ANKRD36: variants seen among roughly 807,000 people sequenced by gnomAD.
The protein encoded by ANKRD36 is ankyrin repeat domain-containing protein 36A.
ANKRD36 carries 179 observed loss-of-function variants against 278.1 expected under a neutral mutation model. That is an observed-to-expected ratio of 0.64 (90% CI 0.57 to 0.73). ANKRD36 has a LOEUF of 0.73. Among genes scored for constraint, ANKRD36 ranks in the 30% least tolerant of loss-of-function variants. The pLI is 0.00. For synonymous variants in ANKRD36, 320 were observed against 641.1 expected (o/e 0.50, Z 7.57); for missense variants, 1,159 against 1,956.7 (o/e 0.59, Z 7.69).
At chr2:97,171,284 A>G (rs2052409408) in intron 22 of ANKRD36, among the ~76,000 whole-genome samples, 1 of 146,414 alleles carries the variant, frequency 6.8e-6, no homozygotes, top group African/African-American at 2.5e-5. Context: ...CACAATAGCA[A>G]AGACTTGGAA....
chr2:97,152,591 G>T (rs1220815222), intron 14 of ANKRD36, 57 bp downstream of exon 14: 13 of 1,379,938 alleles, frequency 9.4e-6, no homozygotes, highest in Middle Eastern at 3.4e-4. Context: ...AGAGAGAAGA[G>T]AAACTAGTAT....
At chr2:97,195,446 G>GA in intron 40 of ANKRD36, among the ~76,000 whole-genome samples, 1 of 151,968 alleles carries the variant, frequency 6.6e-6, no homozygotes, top group Non-Finnish European at 1.5e-5. Flanking sequence ...GGAAACCTGA[G>GA]TGAACTCACT....
chr2:97,214,457 A>G (rs2065426321), intron 60 of ANKRD36, among the ~76,000 whole-genome samples: 1 of 150,744 alleles, frequency 6.6e-6, no homozygotes, highest in Admixed American at 6.6e-5. Flanking sequence ...AGACTATTTT[A>G]GAAACAAAAA....
intron 17 of ANKRD36, among the ~76,000 whole-genome samples, chr2:97,159,421 T>A (rs1357047204): frequency 6.6e-6 from 1 of 152,050 alleles, no homozygotes; most frequent in Non-Finnish European, 1.5e-5. Flanking sequence ...AATATATGCA[T>A]CTATTTATTA....
intron 67 of ANKRD36, among the ~76,000 whole-genome samples, chr2:97,229,168 C>T (rs1245841691): frequency 2.0e-5 from 3 of 151,528 alleles, no homozygotes; most frequent in Middle Eastern, 6.3e-3. Flanking sequence ...TGGTGCAGAG[C>T]TGAGTTCAAT....
intron 30 of ANKRD36, among the ~76,000 whole-genome samples, chr2:97,186,895 T>C (rs2057520293): frequency 6.6e-6 from 1 of 151,960 alleles, no homozygotes; most frequent in African/African-American, 2.4e-5. Flanking sequence ...CCTCTGATTT[T>C]TGATCACATT....
chr2:97,150,825 C>T (rs2045734103), intron 12 of ANKRD36, among the ~76,000 whole-genome samples: 1 of 152,154 alleles, frequency 6.6e-6, no homozygotes, highest in East Asian at 1.9e-4. Flanking sequence ...CTTTCAAATT[C>T]TGAATAAAAA....
At chr2:97,158,716 A>C (rs936706771) in intron 17 of ANKRD36, 61 bp downstream of exon 17, 3 of 1,414,254 alleles carry the variant, frequency 2.1e-6, no homozygotes, top group Non-Finnish European at 2.9e-6. Context: ...CTGTTCACCA[A>C]CTCACTCTTA....
chr2:97,175,879 T>A (rs2054091243), intron 22 of ANKRD36, among the ~76,000 whole-genome samples: 1 of 151,768 alleles, frequency 6.6e-6, no homozygotes, highest in Non-Finnish European at 1.5e-5. Flanking sequence ...CATTTTGTTA[T>A]GTACCCAGTA....
At chr2:97,198,216 A>G (rs1400510501) in intron 42 of ANKRD36, among the ~76,000 whole-genome samples, 3 of 151,906 alleles carry the variant, frequency 2.0e-5, no homozygotes, top group Admixed American at 6.6e-5. Context: ...ACACGGTTTT[A>G]TTTTAGTTTT....
intron 22 of ANKRD36, among the ~76,000 whole-genome samples, chr2:97,177,075 C>T (rs2054487206): frequency 6.6e-6 from 1 of 151,570 alleles, no homozygotes; most frequent in African/African-American, 2.4e-5. Flanking sequence ...CTCCCATTCA[C>T]AATTGCTTCA....
chr2:97,196,539 G>T (rs1042586640), intron 40 of ANKRD36, 54 bp from the exon 41 acceptor site: 24 of 1,600,144 alleles, frequency 1.5e-5, no homozygotes, highest in East Asian at 6.8e-5. Flanking sequence ...TGAATGTATG[G>T]ATATCTTTGT....
intron 54 of ANKRD36, among the ~76,000 whole-genome samples, chr2:97,209,141 CAG>C (rs2063671396): frequency 6.8e-6 from 1 of 146,592 alleles, no homozygotes; most frequent in Non-Finnish European, 1.5e-5. Flanking sequence ...TATCAGCAAA[CAG>C]ATATCCAAGG....
intron 8 of ANKRD36, among the ~76,000 whole-genome samples, 153 bp from the exon 9 acceptor site, chr2:97,144,365 G>A (rs2153453550): frequency 6.6e-6 from 1 of 152,316 alleles, no homozygotes. Flanking sequence ...GTGTAATTCT[G>A]TCATGTTCCT....
chr2:97,147,954 A>G (rs1421560242), intron 11 of ANKRD36, among the ~76,000 whole-genome samples: 2 of 151,940 alleles, frequency 1.3e-5, no homozygotes, highest in Non-Finnish European at 2.9e-5. Context: ...TGTTTGTTTA[A>G]CTGGAGGAAC....
At position 97,154,668 on chromosome 2, in the gene ANKRD36, T is replaced by A; in HGVS notation, c.1194-7T>A. The stretch of plus-strand genomic sequence containing the variant: ...GCTCATTTTTGTAATATCTTTTTGC[T>A]CTGTAGGTGTCTCTACCTACTGGAC... On this transcript the variant is annotated splice_region_variant and splice_polypyrimidine_tract_variant and intron_variant, in intron 14 of 75. Transcript: ENST00000420699. The A allele has an allele frequency of 6.7e-7, 1 of 1,482,520 alleles. No homozygotes were observed. Among genetic ancestry groups the A allele is most frequent in the Non-Finnish European group, 9.1e-7 (1 of 1,102,530 alleles). The allele number at this position is 1,482,520 out of a possible 1,614,324, so 91.8% of individuals were successfully genotyped here.
chr2:97,200,055 C>A (rs537107405), intron 44 of ANKRD36, among the ~76,000 whole-genome samples: 14 of 151,856 alleles, frequency 9.2e-5, no homozygotes, highest in Admixed American at 2.0e-4. Context: ...TCTCATCACT[C>A]GGCATATCCA....
At chr2:97,156,840 G>A (rs1254354449) in intron 15 of ANKRD36, among the ~76,000 whole-genome samples, 5 of 150,334 alleles carry the variant, frequency 3.3e-5, no homozygotes, top group South Asian at 2.2e-4. Context: ...CCCACCAACA[G>A]TGTAAAAGTG....
At chr2:97,231,178 T>G (rs1299316819) in intron 67 of ANKRD36, among the ~76,000 whole-genome samples, 1 of 152,126 alleles carries the variant, frequency 6.6e-6, no homozygotes, top group East Asian at 2.0e-4. Flanking sequence ...AAAGCTATCA[T>G]ACAGGGACAT....
Sources: gnomAD v4.1 joint callset for allele counts (sites outside exome capture counted in the v4.1 genomes callset) on GRCh38, gnomAD v4.1.1 for gene constraint, MANE v1.5 for transcripts, NCBI Gene and HGNC (gene_info 2026-07-23, HGNC 2026-07-21) for gene names.